The following GALNT17 variants were observed in gnomAD, a reference collection of about 807,000 sequenced individuals.
GALNT17 encodes UDP-GalNAc:polypeptide N-acetylgalactosaminyltransferase-like 3.
A neutral mutation model predicts 63.7 loss-of-function variants in GALNT17; 29 were observed. That is an observed-to-expected ratio of 0.46 (90% confidence interval 0.34 to 0.62). The LOEUF is 0.62. Ranked by LOEUF, GALNT17 falls within the 20% of genes least tolerant of loss-of-function variation. GALNT17 has a pLI of 0.01. For missense variants in GALNT17, 603 were observed against 799.6 expected (o/e 0.75, Z 2.97); for synonymous variants, 305 against 318.3 (o/e 0.96, Z 0.45).
intron 5 of GALNT17, among the ~76,000 whole-genome samples, chr7:71,467,738 T>C (rs1011586664): frequency 2.0e-5 from 3 of 151,666 alleles, no homozygotes; most frequent in Admixed American, 2.0e-4. Flanking sequence ...GGAGTTCTGC[T>C]CTAGACAACA....
At chr7:71,350,490 A>G (rs2107797) in intron 2 of GALNT17, among the ~76,000 whole-genome samples, 45,547 of 151,984 alleles carry the variant, frequency 0.3, 6,987 homozygotes, top group East Asian at 0.48. Flanking sequence ...ACTAAGGATG[A>G]AAAATACTAG....
chr7:71,709,292 T>G (rs1791759080), intron 9 of GALNT17, among the ~76,000 whole-genome samples: 1 of 152,240 alleles, frequency 6.6e-6, no homozygotes, highest in Non-Finnish European at 1.5e-5. Flanking sequence ...GGTTTTGATT[T>G]GCATGTGTCT....
intron 3 of GALNT17, 112 bp downstream of exon 3, chr7:71,388,513 G>A: frequency 3.1e-6 from 4 of 1,291,072 alleles, no homozygotes; most frequent in Non-Finnish European, 4.2e-6. Context: ...GAGCATATCT[G>A]GGGAAGGGAT....
At chr7:71,138,012 T>G (rs917615088) in intron 1 of GALNT17, among the ~76,000 whole-genome samples, 1 of 152,242 alleles carries the variant, frequency 6.6e-6, no homozygotes, top group Non-Finnish European at 1.5e-5. Flanking sequence ...ATACACTATA[T>G]TCTTATAAAA....
At chr7:71,673,636 T>C (rs531708322) in intron 8 of GALNT17, among the ~76,000 whole-genome samples, 1 of 152,230 alleles carries the variant, frequency 6.6e-6, no homozygotes, top group South Asian at 2.1e-4. Context: ...ATAATAAACA[T>C]GATGACCAGC....
chr7:71,593,790 G>A (rs1789847282), intron 6 of GALNT17, among the ~76,000 whole-genome samples: 1 of 152,180 alleles, frequency 6.6e-6, no homozygotes, highest in Non-Finnish European at 1.5e-5. Context: ...AAATTTTAAA[G>A]CATTCAAGTT....
intron 1 of GALNT17, among the ~76,000 whole-genome samples, chr7:71,252,629 C>T (rs1288592597): frequency 6.6e-6 from 1 of 152,124 alleles, no homozygotes; most frequent in Non-Finnish European, 1.5e-5. Context: ...GGAATATTGA[C>T]ATGTTAAGTT....
Position 71,712,057 on chromosome 7 carries a change from G to A in GALNT17, c.1708G>A (p.Glu570Lys). The change falls in exon 11 of 11, where the codon GAG becomes AAG. Residue 570 changes from glutamate (E) to lysine (K), a missense_variant. This residue lies in a region of GALNT17 where 72 missense variants were observed against 76.9 expected (regional missense o/e 0.94). Transcript: ENST00000333538. ...GAACAAGGGCACGGGACGCTGCCTG[G>A]AGGTGGAGAACCGGGGCCTGGCTGG... ...IMNKGTGRCL[E>K]VENRGLAGID... 1 of 1,614,118 alleles carries A rather than the reference G, an allele frequency of 6.2e-7. No individual in the cohort carries two copies. Among genetic ancestry groups the A allele is most frequent in the Non-Finnish European group, 8.5e-7 (1 of 1,179,996 alleles).
chr7:71,617,465 G>C (rs906458572), intron 6 of GALNT17, among the ~76,000 whole-genome samples: 1 of 151,546 alleles, frequency 6.6e-6, no homozygotes, highest in African/African-American at 2.4e-5. Flanking sequence ...GGGACTACAG[G>C]TGCCCACCAC....
chr7:71,409,113 C>G (rs191606052), intron 3 of GALNT17, among the ~76,000 whole-genome samples: 51 of 151,294 alleles, frequency 3.4e-4, no homozygotes, highest in African/African-American at 1.2e-3. Context: ...AAACCCTCAC[C>G]ATGTAGGCCA....
intron 5 of GALNT17, among the ~76,000 whole-genome samples, chr7:71,506,235 G>A (rs931527826): frequency 6.8e-6 from 1 of 146,928 alleles, no homozygotes; most frequent in African/African-American, 2.5e-5. Context: ...ACTAGCTGGG[G>A]CATAGAAGGA....
chr7:71,137,139 CTT>C (rs398005145), intron 1 of GALNT17, among the ~76,000 whole-genome samples: 27 of 117,342 alleles, frequency 2.3e-4, no homozygotes, highest in Admixed American at 6.6e-4. Flanking sequence ...ATATTTTTGA[CTT>C]TTTTTTTTTT....
intron 9 of GALNT17, among the ~76,000 whole-genome samples, chr7:71,701,541 AGAGT>A (rs1343664368): frequency 1.3e-5 from 2 of 151,574 alleles, no homozygotes; most frequent in Non-Finnish European, 2.9e-5. Context: ...AAGAGGTGAG[AGAGT>A]GAGCCATTCA....
At chr7:71,316,225 GGGTCT>G (rs1440456826) in intron 1 of GALNT17, among the ~76,000 whole-genome samples, 9 of 139,148 alleles carry the variant, frequency 6.5e-5, no homozygotes, top group East Asian at 4.0e-4. Context: ...CCTGATCTGT[GGGTCT>G]GATCAGGATC....
chr7:71,193,853 T>C (rs1562902594), intron 1 of GALNT17, among the ~76,000 whole-genome samples: 1 of 152,168 alleles, frequency 6.6e-6, no homozygotes, highest in Non-Finnish European at 1.5e-5. Context: ...TAAAATAATG[T>C]GTTGTGGTCC....
rs373393868 is a variant in GALNT17, at chr7:71,390,479, A to G, written c.589+2078A>G. On this transcript the variant is annotated intron_variant, in intron 3 of 10. Transcript: ENST00000333538. ...TTTTATTTCCTTACCTTTGGCCATT[A>G]GTTATCTATAGATTCTTCTAAACCT... Among the ~76,000 whole-genome samples the G allele has an allele frequency of 5.9e-5, 9 of 152,172 alleles. No individual in the cohort carries two copies. In the East Asian group the frequency reaches 1.7e-3, roughly 29 times the overall value.
intron 5 of GALNT17, among the ~76,000 whole-genome samples, chr7:71,500,944 T>G (rs546716747): frequency 6.6e-6 from 1 of 152,310 alleles, no homozygotes; most frequent in East Asian, 1.9e-4. Flanking sequence ...CTGTGCTCAA[T>G]GCTCTTGTTC....
chr7:71,704,959 T>C (rs577737715), intron 9 of GALNT17, among the ~76,000 whole-genome samples: 2 of 152,244 alleles, frequency 1.3e-5, no homozygotes, highest in South Asian at 4.1e-4. Flanking sequence ...TTTGCAATGG[T>C]TTCTTAGATA....
chr7:71,525,145 A>G (rs1788602695), intron 5 of GALNT17, among the ~76,000 whole-genome samples: 3 of 152,042 alleles, frequency 2.0e-5, no homozygotes, highest in Admixed American at 2.0e-4. Context: ...CAATAGTTTT[A>G]GTTCTATTAC....
Sources: allele counts gnomAD v4.1 joint callset (sites outside exome capture counted in the v4.1 genomes callset), GRCh38; gene constraint gnomAD v4.1.1; regional missense constraint gnomAD v4.1.1; transcripts MANE v1.5; gene names NCBI Gene and HGNC (gene_info 2026-07-23, HGNC 2026-07-21).